LDB3: variants seen among roughly 807,000 people sequenced by gnomAD.
The protein encoded by LDB3 is LIM domain binding 3.
LDB3 carries 49 observed loss-of-function variants against 69.0 expected under a neutral mutation model. That is an observed-to-expected ratio of 0.71 (90% CI 0.56 to 0.90). LDB3 has a LOEUF of 0.90. Among genes scored for constraint, LDB3 ranks in the 40% least tolerant of loss-of-function variants. The pLI, the probability that LDB3 is intolerant of heterozygous loss-of-function variation, is 0.00. For missense variants in LDB3, 928 were observed against 974.1 expected, an observed-to-expected ratio of 0.95 and a Z score of 0.63; for synonymous variants, 387 against 396.2, an observed-to-expected ratio of 0.98 and a Z score of 0.28.
chr10:86,693,061 T>C (rs1050634986), intron 7 of LDB3, among the ~76,000 whole-genome samples: 3 of 151,766 alleles, frequency 2.0e-5, no homozygotes, highest in Admixed American at 6.6e-5. Context: ...GTTCTGTAAG[T>C]TGCTCAAAGC....
chr10:86,690,493 G>C (rs1845704560), intron 5 of LDB3, among the ~76,000 whole-genome samples: 1 of 152,204 alleles, frequency 6.6e-6, no homozygotes, highest in African/African-American at 2.4e-5. Context: ...TAGCTCTCTG[G>C]GCCAGGGCAG....
chr10:86,733,041 G>A lies in LDB3; in HGVS notation c.*65G>A, dbSNP rs777850765. On this transcript the variant is annotated 3_prime_UTR_variant, in exon 14 of 14. Coordinates refer to ENST00000361373, the MANE Select transcript of LDB3 (RefSeq NM_007078.3). ...TCCTGCTGCTGGCAACAAAGGATTC[G>A]GGAGGCTGATGTTTCTTCTGAGGGG... The A allele has an allele frequency of 1.3e-5, 15 of 1,135,352 alleles. No homozygotes were observed. The highest frequency in any genetic ancestry group is 4.6e-5 in the African/African-American group (3 of 65,232). The allele number at this position is 1,135,352 out of a possible 1,614,324, so 70.3% of individuals were successfully genotyped here.
intron 2 of LDB3, among the ~76,000 whole-genome samples, chr10:86,673,403 G>A (rs1302209515): frequency 1.3e-5 from 2 of 152,342 alleles, no homozygotes; most frequent in African/African-American, 4.8e-5. Flanking sequence ...AGTGGGGGCA[G>A]GATGTGTGGG....
In LDB3 at chr10:86,685,680, G is replaced by A. The variant is rs397516556; in HGVS notation, c.689+3877G>A. ...TTCTTTGCCCTTTTCCTCCCCAGGT[G>A]GTAGTCAACTCTCCAGCCAAGTTAG... On this transcript the variant is annotated intron_variant, in intron 5 of 13. Transcript: ENST00000361373. 9.3e-6 allele frequency: 15 copies of A among 1,614,026 alleles called. No homozygotes were observed. The highest frequency in any genetic ancestry group is 5.3e-5 in the African/African-American group (4 of 74,918).
At chr10:86,667,730 C>T (rs1844234779), upstream of LDB3, among the ~76,000 whole-genome samples, 3 of 152,224 alleles carry the variant, frequency 2.0e-5, no homozygotes, top group South Asian at 6.2e-4. Flanking sequence ...ACTGGCTGGG[C>T]CCCCAGAGGG....
At chr10:86,692,450 T>C in intron 6 of LDB3, 85 bp from the exon 7 acceptor site, 1 of 1,360,856 alleles carries the variant, frequency 7.3e-7, no homozygotes, top group Admixed American at 1.7e-5. Flanking sequence ...GGCTGAATCC[T>C]GGGGACTCAG....
intron 9 of LDB3, among the ~76,000 whole-genome samples, chr10:86,714,537 A>G (rs978940215): frequency 9.4e-5 from 14 of 149,142 alleles, no homozygotes; most frequent in Non-Finnish European, 1.6e-4. Context: ...AAGATTCCTT[A>G]TGGAGAAGGT....
intron 7 of LDB3, among the ~76,000 whole-genome samples, chr10:86,700,474 G>A (rs556595759): frequency 1.6e-4 from 24 of 152,320 alleles, no homozygotes; most frequent in African/African-American, 5.8e-4. Context: ...CGAGAGAAGG[G>A]CTCCAGTGGG....
intron 7 of LDB3, among the ~76,000 whole-genome samples, chr10:86,704,936 G>A (rs867600482): frequency 3.8e-4 from 57 of 150,704 alleles, no homozygotes; most frequent in African/African-American, 1.2e-3. Context: ...GGCTGGTCTC[G>A]AACTCCCGAC....
intron 2 of LDB3, among the ~76,000 whole-genome samples, chr10:86,678,743 T>C (rs1589616632): frequency 6.6e-6 from 1 of 152,034 alleles, no homozygotes. Flanking sequence ...TAGGCTGGAG[T>C]GACCCTCTCA....
In LDB3 at chr10:86,676,468, G is replaced by A. The variant is rs141712411; in HGVS notation, c.94-2899G>A. 3.3e-5 allele frequency among the ~76,000 whole-genome samples: 5 copies of A among 151,188 alleles called. No homozygotes were observed. In the East Asian group the frequency reaches 5.9e-4, roughly 18 times the overall value. On this transcript the variant is annotated intron_variant, in intron 2 of 13. Transcript: ENST00000361373. ...GTCTCAGCTACTGTGGGGAGACTGA[G>A]GCAGAAGAATCGCTTGAACCCAGGA...
At chr10:86,722,166 G>A (rs377153839) in intron 12 of LDB3, among the ~76,000 whole-genome samples, 8 of 152,312 alleles carry the variant, frequency 5.3e-5, no homozygotes, top group South Asian at 2.1e-4. Flanking sequence ...AAAACAAAGC[G>A]ATAATTCTCC....
At chr10:86,668,465 C>T (rs893854356), upstream of LDB3, 8 of 621,856 alleles carry the variant, frequency 1.3e-5, no homozygotes, top group African/African-American at 3.6e-5. Context: ...CATTTATGGG[C>T]GCAGCCGAAG....
In LDB3 at chr10:86,726,057, A is replaced by G. The variant is rs1589684853; in HGVS notation, c.1979-80A>G. The G allele has an allele frequency of 7.7e-6, 7 of 903,522 alleles. No individual in the cohort carries two copies. The East Asian group carries it at 1.7e-4, about 22-fold the overall frequency. 56.0% of individuals were successfully genotyped at this position (903,522 alleles called of 1,614,324 possible). On this transcript the variant is annotated intron_variant, in intron 12 of 13. Transcript: ENST00000361373. The stretch of plus-strand genomic sequence containing the variant: ...TAGATTTCACCCCCTGCTTCTGCCC[A>G]CTGATTTGGGGTTTGTCTTGGCTTT...
At chr10:86,668,290 G>A (rs35777670), upstream of LDB3, among the ~76,000 whole-genome samples, 2,407 of 152,318 alleles carry the variant, frequency 0.016, 79 homozygotes, top group African/African-American at 0.056. Context: ...GGACACAGGA[G>A]CAAGGAGACC....
chr10:86,693,434 T>A lies in LDB3; in HGVS notation c.896+863T>A, dbSNP rs544473533. On this transcript the variant is annotated intron_variant, in intron 7 of 13. Transcript: ENST00000361373. ...GCTGGGGCTCAGAGGCACCCTCCCA[T>A]CCTGGGCCAAGCTTTCTGTACTTGC... 2.6e-5 allele frequency among the ~76,000 whole-genome samples: 4 copies of A among 152,346 alleles called. No individual in the cohort carries two copies. In the South Asian group the frequency reaches 8.3e-4, roughly 32 times the overall value.
chr10:86,674,721 C>G (rs1015648956), intron 2 of LDB3, among the ~76,000 whole-genome samples: 2 of 152,188 alleles, frequency 1.3e-5, no homozygotes, highest in Admixed American at 1.3e-4. Context: ...AACCACAGCT[C>G]CAAGGAGTTG....
chr10:86,691,575 T>G (rs1845763866), intron 5 of LDB3, among the ~76,000 whole-genome samples: 1 of 152,062 alleles, frequency 6.6e-6, no homozygotes, highest in South Asian at 2.1e-4. Flanking sequence ...GAAGACCTGT[T>G]CTGTTTCCTC....
chr10:86,723,863 G>A (rs539020701), intron 12 of LDB3, among the ~76,000 whole-genome samples: 8 of 152,344 alleles, frequency 5.3e-5, no homozygotes, highest in South Asian at 2.1e-4. Flanking sequence ...CAAGAGATAA[G>A]TGTAACTGAT....
Sources: allele counts gnomAD v4.1 joint callset (sites outside exome capture counted in the v4.1 genomes callset), GRCh38; gene constraint gnomAD v4.1.1; transcripts MANE v1.5; gene names NCBI Gene and HGNC (gene_info 2026-07-23, HGNC 2026-07-21).